Variants in NKAIN2 observed in about 807,000 individuals in gnomAD.
The protein encoded by NKAIN2 is sodium/potassium transporting ATPase interacting 2.
In NKAIN2, 14 loss-of-function variants were observed where a neutral mutation model predicts 32.6. The observed-to-expected ratio is 0.43, with a 90% CI of 0.28 to 0.67. The LOEUF is 0.67. Among genes scored for constraint, NKAIN2 ranks in the 30% least tolerant of loss-of-function variants. The pLI is 0.17. For synonymous variants in NKAIN2, 80 were observed against 87.2 expected, an observed-to-expected ratio of 0.92 and a Z score of 0.46; for missense variants, 198 against 258.3, an observed-to-expected ratio of 0.77 and a Z score of 1.60.
chr6:124,223,662 G>A (rs1791950991), intron 1 of NKAIN2, among the ~76,000 whole-genome samples: 1 of 152,152 alleles, frequency 6.6e-6, no homozygotes, highest in Non-Finnish European at 1.5e-5. Flanking sequence ...AAGATGTAAA[G>A]TTAACTTCAT....
chr6:124,360,473 A>G (rs1053605283), intron 3 of NKAIN2, among the ~76,000 whole-genome samples: 16 of 152,126 alleles, frequency 1.1e-4, no homozygotes, highest in African/African-American at 3.9e-4. Flanking sequence ...AACCCTTTTG[A>G]TCATGTTTTC....
chr6:124,212,680 T>G (rs1429673199), intron 1 of NKAIN2, among the ~76,000 whole-genome samples: 2 of 152,126 alleles, frequency 1.3e-5, no homozygotes, highest in Non-Finnish European at 2.9e-5. Flanking sequence ...TTTGAAAGGA[T>G]TTAGTATGAA....
At chr6:124,247,163 G>A (rs761759220) in intron 1 of NKAIN2, among the ~76,000 whole-genome samples, 18 of 151,944 alleles carry the variant, frequency 1.2e-4, no homozygotes, top group Non-Finnish European at 2.1e-4. Flanking sequence ...AGAATGCAAG[G>A]GCGGGGTCAT....
At chr6:123,903,596 C>T (rs1211976851) in intron 1 of NKAIN2, among the ~76,000 whole-genome samples, 1 of 152,074 alleles carries the variant, frequency 6.6e-6, no homozygotes, top group Non-Finnish European at 1.5e-5. Context: ...CAAACTTAGC[C>T]CCCTTTTTTC....
rs910502622 is a variant in NKAIN2, at chr6:124,323,933, G to A, written c.193-31334G>A. ...CTCCCGAGGAGCTGGGACTACAGGC[G>A]CCTGCCACCACACTCGGCTAATTTT... On this transcript the variant is annotated intron_variant, in intron 2 of 6. Coordinates refer to ENST00000368417, the MANE Select transcript of NKAIN2 (RefSeq NM_001040214.3). Among the ~76,000 whole-genome samples, 12 of 151,686 alleles carry A rather than the reference G, an allele frequency of 7.9e-5. No individual in the cohort carries two copies. The South Asian group carries it at 1.7e-3, about 21-fold the overall frequency.
chr6:124,081,577 A>T (rs1158689488), intron 1 of NKAIN2, among the ~76,000 whole-genome samples: 1 of 152,084 alleles, frequency 6.6e-6, no homozygotes, highest in African/African-American at 2.4e-5. Flanking sequence ...TTTGCAAAAG[A>T]ATGTTAAGAG....
intron 1 of NKAIN2, among the ~76,000 whole-genome samples, chr6:124,078,583 C>T (rs1292268495): frequency 6.6e-6 from 1 of 152,136 alleles, no homozygotes; most frequent in Non-Finnish European, 1.5e-5. Context: ...AGTCTATGAA[C>T]TTAATCAAAC....
chr6:124,804,387 T>C (rs1376096586), intron 5 of NKAIN2: 3 of 388,974 alleles, frequency 7.7e-6, no homozygotes, highest in East Asian at 3.2e-4. Flanking sequence ...AAGCTTAAAG[T>C]GATTTTTCAG....
chr6:124,652,728 C>T (rs927196734), intron 3 of NKAIN2, among the ~76,000 whole-genome samples: 1 of 152,152 alleles, frequency 6.6e-6, no homozygotes, highest in South Asian at 2.1e-4. Context: ...ACAGAGAGTG[C>T]AAGAGAGGAA....
intron 4 of NKAIN2, among the ~76,000 whole-genome samples, chr6:124,703,880 A>G (rs987829262): frequency 6.6e-6 from 1 of 152,062 alleles, no homozygotes; most frequent in African/African-American, 2.4e-5. Flanking sequence ...TATGTTTAGT[A>G]AATTCAATGT....
At chr6:124,223,357 A>G (rs763399155) in intron 1 of NKAIN2, among the ~76,000 whole-genome samples, 49 of 152,048 alleles carry the variant, frequency 3.2e-4, no homozygotes, top group Non-Finnish European at 5.9e-4. Context: ...AGATCCAATG[A>G]ATAGGAAAAT....
chr6:124,436,814 A>G (rs1775466850), intron 3 of NKAIN2, among the ~76,000 whole-genome samples: 1 of 152,174 alleles, frequency 6.6e-6, no homozygotes, highest in South Asian at 2.1e-4. Flanking sequence ...AAGCCAGAAC[A>G]TGTCACTGCT....
At chr6:123,944,908 G>A (rs988770149) in intron 1 of NKAIN2, among the ~76,000 whole-genome samples, 1 of 151,974 alleles carries the variant, frequency 6.6e-6, no homozygotes, top group African/African-American at 2.4e-5. Context: ...TAAGGGATAA[G>A]AGCAGTATTG....
chr6:124,133,949 T>G (rs1786604111), intron 1 of NKAIN2, among the ~76,000 whole-genome samples: 1 of 151,654 alleles, frequency 6.6e-6, no homozygotes, highest in South Asian at 2.1e-4. Context: ...AAAAAAGTAG[T>G]TTTGGCAATA....
chr6:124,496,960 C>T (rs1327147338), intron 3 of NKAIN2, among the ~76,000 whole-genome samples: 1 of 151,992 alleles, frequency 6.6e-6, no homozygotes, highest in Non-Finnish European at 1.5e-5. Flanking sequence ...GTATCTGGAC[C>T]TGCGGTTCTA....
intron 1 of NKAIN2, among the ~76,000 whole-genome samples, chr6:123,953,095 C>CT (rs2114589512): frequency 6.6e-6 from 1 of 152,234 alleles, no homozygotes; most frequent in Admixed American, 6.5e-5. Flanking sequence ...GGCTTTGATT[C>CT]TGGGTGCATG....
intron 5 of NKAIN2, among the ~76,000 whole-genome samples, chr6:124,804,228 T>C (rs1247674497): frequency 6.6e-6 from 1 of 152,170 alleles, no homozygotes; most frequent in Non-Finnish European, 1.5e-5. Flanking sequence ...AAGATCCAGG[T>C]CTCAGCAGAA....
intron 1 of NKAIN2, among the ~76,000 whole-genome samples, chr6:124,040,951 C>T (rs1013920864): frequency 6.6e-6 from 1 of 151,944 alleles, no homozygotes; most frequent in Non-Finnish European, 1.5e-5. Context: ...AGCCTCATTC[C>T]GGTTTTCAGG....
In NKAIN2 at chr6:123,879,296, A is replaced by G. The variant is rs573451543; in HGVS notation, c.54+75042A>G. Among the ~76,000 whole-genome samples, 11 of 152,262 alleles carry G rather than the reference A, an allele frequency of 7.2e-5. No individual in the cohort carries two copies. The East Asian group carries it at 9.7e-4, about 13-fold the overall frequency. ...GCTGCTCAGATGTGTCTATTTATGT[A>G]GTATGGTTATCTTGTCTCCAATAGG... is the stretch of plus-strand genomic sequence containing the variant. On this transcript the variant is annotated intron_variant, in intron 1 of 6. Transcript: ENST00000368417.
Sources: gnomAD v4.1 joint callset for allele counts (sites outside exome capture counted in the v4.1 genomes callset) on GRCh38, gnomAD v4.1.1 for gene constraint, MANE v1.5 for transcripts, NCBI Gene and HGNC (gene_info 2026-07-23, HGNC 2026-07-21) for gene names.